The following PAK1IP1 variants were observed in gnomAD, a reference collection of about 807,000 sequenced individuals.
PAK1IP1 encodes p21-activated protein kinase-interacting protein 1.
PAK1IP1 carries 24 observed loss-of-function variants against 42.0 expected under a neutral mutation model. That is an observed-to-expected ratio of 0.57 (90% CI 0.41 to 0.80). The LOEUF is 0.80. Among genes scored for constraint, PAK1IP1 ranks in the 30% least tolerant of loss-of-function variants. The pLI is 0.00. For missense variants in PAK1IP1, 411 were observed against 467.9 expected, an observed-to-expected ratio of 0.88 and a Z score of 1.12; for synonymous variants, 154 against 156.7, an observed-to-expected ratio of 0.98 and a Z score of 0.13.
At chr6:10,701,888 A>T (rs1770037380) in intron 2 of PAK1IP1, among the ~76,000 whole-genome samples, 2 of 152,190 alleles carry the variant, frequency 1.3e-5, no homozygotes, top group Admixed American at 6.5e-5. Flanking sequence ...ATATTTGCAT[A>T]GATTTGAACA....
At chr6:10,700,642 TTC>T (rs1458634855) in intron 2 of PAK1IP1, among the ~76,000 whole-genome samples, 1 of 152,164 alleles carries the variant, frequency 6.6e-6, no homozygotes, top group South Asian at 2.1e-4. Flanking sequence ...CAAAGAAGGC[TTC>T]TCTCTCAGGT....
Position 10,704,494 on chromosome 6 carries a change from T to A in PAK1IP1, c.497-13T>A. On this transcript the variant is annotated splice_polypyrimidine_tract_variant and intron_variant, in intron 5 of 9. Coordinates refer to ENST00000379568, the MANE Select transcript of PAK1IP1 (RefSeq NM_017906.3). Reference sequence around the variant, plus strand: ...TTACAAAATAAATAAACTTCGTTTTTTTCCACTTACAGATGCTCACATAGT... The same window carrying A: ...TTACAAAATAAATAAACTTCGTTTTATTCCACTTACAGATGCTCACATAGT... The A allele has an allele frequency of 6.6e-7, 1 of 1,511,966 alleles. No homozygotes were observed. The highest frequency in any genetic ancestry group is 8.9e-7 in the Non-Finnish European group (1 of 1,119,190). 93.7% of individuals were successfully genotyped at this position (1,511,966 alleles called of 1,614,324 possible).
At chr6:10,695,472 T>C (rs1769783555) in intron 1 of PAK1IP1, among the ~76,000 whole-genome samples, 4 of 152,204 alleles carry the variant, frequency 2.6e-5, no homozygotes, top group Non-Finnish European at 1.5e-5. Context: ...AAATCCCTTA[T>C]AGGTAAAGCG....
At chr6:10,702,845 C>T (rs920744650) in intron 4 of PAK1IP1, among the ~76,000 whole-genome samples, 1 of 151,832 alleles carries the variant, frequency 6.6e-6, no homozygotes, top group South Asian at 2.1e-4. Context: ...CCTGCTCTGT[C>T]GCCCAGGCTG....
At chr6:10,704,093 GCTCCCTACAAC>G (rs1422531429) in intron 5 of PAK1IP1, among the ~76,000 whole-genome samples, 1 of 152,026 alleles carries the variant, frequency 6.6e-6, no homozygotes, top group Non-Finnish European at 1.5e-5. Flanking sequence ...CGCTATCTCA[GCTCCCTACAAC>G]CTCTGCCTTC....
At chr6:10,699,400 C>T (rs1424266517) in intron 2 of PAK1IP1, among the ~76,000 whole-genome samples, 2 of 151,942 alleles carry the variant, frequency 1.3e-5, no homozygotes, top group African/African-American at 4.8e-5. Context: ...GGTAACGATG[C>T]CCAGGCTGTG....
chr6:10,692,231 A>G (rs1238487780), upstream of PAK1IP1, among the ~76,000 whole-genome samples: 1 of 152,216 alleles, frequency 6.6e-6, no homozygotes, highest in African/African-American at 2.4e-5. Flanking sequence ...AGTAAAATGC[A>G]TAAAGGCACA....
At chr6:10,695,931 G>T (rs1316841258) in intron 1 of PAK1IP1, among the ~76,000 whole-genome samples, 1 of 151,716 alleles carries the variant, frequency 6.6e-6, no homozygotes, top group African/African-American at 2.4e-5. Flanking sequence ...GAAAAGTGAT[G>T]TGTTTTGAAT....
chr6:10,694,576 C>G (rs150928914), upstream of PAK1IP1: 1 of 186,286 alleles, frequency 5.4e-6, no homozygotes, highest in Admixed American at 5.5e-5. Flanking sequence ...CAACAATGCA[C>G]GCTGCCGGCG....
intron 1 of PAK1IP1, among the ~76,000 whole-genome samples, chr6:10,695,466 C>A (rs1769783077): frequency 6.6e-6 from 1 of 152,094 alleles, no homozygotes; most frequent in Non-Finnish European, 1.5e-5. Flanking sequence ...TAGGATAAAT[C>A]CCTTATAGGT....
chr6:10,698,668 G>A (rs568612051), intron 2 of PAK1IP1, among the ~76,000 whole-genome samples: 7 of 152,260 alleles, frequency 4.6e-5, no homozygotes, highest in Admixed American at 2.6e-4. Flanking sequence ...AGTTTGTATC[G>A]GAGGGGTGCT....
At chr6:10,707,283 A>C in intron 7 of PAK1IP1, 132 bp from the exon 8 acceptor site, 1 of 644,594 alleles carries the variant, frequency 1.6e-6, no homozygotes, top group South Asian at 1.9e-5. Flanking sequence ...CTATATTTTA[A>C]GGCACCATTC....
chr6:10,694,962 C>T (rs1444250991), upstream of PAK1IP1: 2 of 1,500,440 alleles, frequency 1.3e-6, no homozygotes, highest in Admixed American at 1.8e-5. Flanking sequence ...GCCGGGCTGG[C>T]GGAAGAGGCA....
intron 8 of PAK1IP1, among the ~76,000 whole-genome samples, chr6:10,707,907 T>C (rs907376976): frequency 6.6e-6 from 1 of 152,166 alleles, no homozygotes; most frequent in Admixed American, 6.5e-5. Context: ...TCCTGTAGTC[T>C]CCTTACAGTC....
At chr6:10,701,545 A>T (rs1219939167) in intron 2 of PAK1IP1, among the ~76,000 whole-genome samples, 1 of 152,226 alleles carries the variant, frequency 6.6e-6, no homozygotes, top group African/African-American at 2.4e-5. Flanking sequence ...AATGTGGGAA[A>T]CCAAACTTTC....
intron 2 of PAK1IP1, among the ~76,000 whole-genome samples, chr6:10,699,556 C>G (rs1404399927): frequency 6.6e-6 from 1 of 152,186 alleles, no homozygotes; most frequent in Non-Finnish European, 1.5e-5. Context: ...GAGAGAAAGA[C>G]TGAACAGGTA....
rs1770237229 is a variant in PAK1IP1 at position 10,707,444 on chromosome 6, C to A, written c.770C>A (p.Pro257Gln). The A allele has an allele frequency of 1.2e-6, 2 of 1,608,566 alleles. No homozygotes were observed. Among genetic ancestry groups the A allele is most frequent in the South Asian group, 1.1e-5 (1 of 90,958 alleles). The change falls in exon 8 of 10, where the codon CCA becomes CAA. Residue 257 changes from proline (P) to glutamine (Q), a missense_variant. Transcript: ENST00000379568. The stretch of plus-strand genomic sequence containing the variant: ...AAGGACATGTTCAGTTTTGAAATTC[C>A]AGAGCATCATGTTATTGTTTCAGCA... ...RVKDMFSFEI[P>Q]EHHVIVSASS...
At position 10,704,616 on chromosome 6, in the gene PAK1IP1, A is replaced by G; in HGVS notation, c.606A>G (p.Thr202=). The G allele has an allele frequency of 6.2e-7, 1 of 1,610,838 alleles. No individual in the cohort carries two copies. Among genetic ancestry groups the G allele is most frequent in the Middle Eastern group, 1.6e-4 (1 of 6,062 alleles). ...LDTASISGTI[T]NEKRISSVKF... ...CTGCATCCATTAGTGGCACCATCACAAATGAAAAGAGAATTTCCTCTGTTA... is the reference window on the plus strand; with the variant it reads ...CTGCATCCATTAGTGGCACCATCACGAATGAAAAGAGAATTTCCTCTGTTA... The change falls in exon 6 of 10, where the codon ACA becomes ACG. Residue 202 remains threonine (T), a synonymous_variant. Transcript: ENST00000379568.
At position 10,709,526 on chromosome 6, in the gene PAK1IP1, T is replaced by TTTC. The variant is rs1554151752; in HGVS notation, c.*74_*75insTTC. 1.2e-5 allele frequency: 11 copies of TTTC among 937,844 alleles called. No individual in the cohort carries two copies. In the Middle Eastern group the frequency reaches 1.1e-3, roughly 94 times the overall value. The allele number at this position is 937,844 out of a possible 1,614,324, so 58.1% of individuals were successfully genotyped here. ...CAAATGTACCTTAATTTTTTTTTTT[T>TTTC]CCCTGAGTAAAAGCAAGAAATTTCT... On this transcript the variant is annotated 3_prime_UTR_variant, in exon 10 of 10. Transcript: ENST00000379568.
Sources: gnomAD v4.1 joint callset for allele counts (sites outside exome capture counted in the v4.1 genomes callset) on GRCh38, gnomAD v4.1.1 for gene constraint, MANE v1.5 for transcripts, NCBI Gene and HGNC (gene_info 2026-07-23, HGNC 2026-07-21) for gene names.